Variants in PCNX1 observed in about 807,000 individuals in gnomAD.
The protein encoded by PCNX1 is pecanex 1.
A neutral mutation model predicts 242.2 loss-of-function variants in PCNX1; 78 were observed. The ratio of observed to expected loss-of-function variants is 0.32; its 90% CI spans 0.27 to 0.39. PCNX1 has a LOEUF of 0.39. Ranked by LOEUF, PCNX1 falls within the 10% of genes least tolerant of loss-of-function variation. The pLI is 1.00. For synonymous variants in PCNX1, 1,024 were observed against 1,032.9 expected (o/e 0.99, Z 0.17); for missense variants, 2,581 against 2,856.5 (o/e 0.90, Z 2.20).
chr14:71,079,237 G>C (rs1382352883), intron 28 of PCNX1, among the ~76,000 whole-genome samples: 1 of 151,994 alleles, frequency 6.6e-6, no homozygotes, highest in Non-Finnish European at 1.5e-5. Flanking sequence ...ATTTTATCTA[G>C]TCTATCACTG....
intron 1 of PCNX1, among the ~76,000 whole-genome samples, chr14:70,923,919 T>A (rs1201136956): frequency 6.6e-6 from 1 of 152,136 alleles, no homozygotes; most frequent in Non-Finnish European, 1.5e-5. Context: ...AAAGGGCTAA[T>A]ACTTCTGCAG....
intron 7 of PCNX1, 68 bp from the exon 8 acceptor site, chr14:70,995,673 A>C (rs2017280915): frequency 1.5e-6 from 2 of 1,372,120 alleles, no homozygotes; most frequent in African/African-American, 2.9e-5. Context: ...TTCTATGTTG[A>C]CTTCATTCTA....
chr14:71,031,863 C>T, intron 16 of PCNX1: 1 of 1,459,708 alleles, frequency 6.9e-7, no homozygotes, highest in Middle Eastern at 1.7e-4. Flanking sequence ...CACACTGTTT[C>T]AGCACTTTCA....
intron 8 of PCNX1, among the ~76,000 whole-genome samples, chr14:71,004,561 C>A (rs2059600404): frequency 1.3e-5 from 2 of 152,184 alleles, no homozygotes; most frequent in African/African-American, 4.8e-5. Flanking sequence ...GTCCTCCAAT[C>A]CCCTGGATCC....
intron 3 of PCNX1, among the ~76,000 whole-genome samples, chr14:70,963,982 T>C (rs1755519779): frequency 1.3e-5 from 2 of 152,228 alleles, no homozygotes; most frequent in Admixed American, 1.3e-4. Context: ...AACAAGCTTA[T>C]GGAATGGGAG....
Position 70,988,634 on chromosome 14 carries a change from A to C in PCNX1, c.2379A>C (p.Val793=), listed in dbSNP as rs1566664462. Residue 793 remains valine (V), a synonymous_variant, in exon 7 of 36, where the codon GTA becomes GTC. Coordinates refer to ENST00000304743, the MANE Select transcript of PCNX1 (RefSeq NM_014982.3). ...GCAGCACATTTAGGCGCCAGGCAGT[A>C]CGGCGCCGGCACAATGCAGGGAGTA... ...RERSTFRRQA[V]RRRHNAGSNP... The C allele has an allele frequency of 1.9e-6, 3 of 1,614,036 alleles. No individual in the cohort carries two copies. In the Admixed American group the frequency reaches 5.0e-5, roughly 27 times the overall value.
intron 2 of PCNX1, among the ~76,000 whole-genome samples, chr14:70,957,889 T>C (rs2058054169): frequency 6.6e-6 from 1 of 152,130 alleles, no homozygotes; most frequent in African/African-American, 2.4e-5. Context: ...GTCTCTCCTT[T>C]CTGTGTTGTT....
chr14:70,978,407 G>A lies in PCNX1; in HGVS notation c.2070G>A (p.Val690=). The A allele has an allele frequency of 6.2e-7, 1 of 1,614,226 alleles. No individual in the cohort carries two copies. The highest frequency in any genetic ancestry group is 8.5e-7 in the Non-Finnish European group (1 of 1,180,028). Residue 690 remains valine (V), a synonymous_variant, in exon 6 of 36, where the codon GTG becomes GTA. Coordinates refer to ENST00000304743, the MANE Select transcript of PCNX1 (RefSeq NM_014982.3). ...ATAGTGCCAAGACTCGTGCCCGAGT[G>A]TTGAGCCTGGACAGTGGCACAGTAG... ...STNSAKTRAR[V]LSLDSGTVAC... is the part of the protein sequence containing the mutation.
chr14:71,066,516 A>G (rs1374896289), intron 26 of PCNX1, among the ~76,000 whole-genome samples: 1 of 152,202 alleles, frequency 6.6e-6, no homozygotes, highest in Non-Finnish European at 1.5e-5. Flanking sequence ...GGGCTGAGAC[A>G]GTGGGGTTTT....
At chr14:71,085,394 AAATC>A (rs1233520787) in intron 28 of PCNX1, 1 of 152,228 alleles carries the variant, frequency 6.6e-6, no homozygotes, top group Admixed American at 6.5e-5. Context: ...TGATTTAAAA[AAATC>A]TATTAAAGAC....
chr14:71,033,825 A>T (rs1429217730), intron 17 of PCNX1, 106 bp from the exon 18 acceptor site: 5 of 679,842 alleles, frequency 7.4e-6, no homozygotes, highest in Middle Eastern at 3.8e-4. Context: ...GTAATGATTA[A>T]ATATACTCGA....
chr14:70,910,888 A>G (rs977761430), intron 1 of PCNX1, among the ~76,000 whole-genome samples: 2 of 152,156 alleles, frequency 1.3e-5, no homozygotes, highest in African/African-American at 2.4e-5. Flanking sequence ...GGGGGTAATG[A>G]GTTGTTACTG....
intron 2 of PCNX1, among the ~76,000 whole-genome samples, chr14:70,956,111 T>C (rs2057984185): frequency 6.6e-6 from 1 of 152,164 alleles, no homozygotes; most frequent in South Asian, 2.1e-4. Flanking sequence ...CATCCTACAA[T>C]GCAGTCAAAA....
At position 71,105,324 on chromosome 14, in the gene PCNX1, A is replaced by G. The variant is rs758005947; in HGVS notation, c.6185A>G (p.Asn2062Ser). ...TGGGTSCTGNNATTANNPHSN... is the reference protein window; with the variant it reads ...TGGGTSCTGNSATTANNPHSN... ...GGTGGGACTTCCTGCACTGGTAACAATGCAACAACTGCCAACAATCCCCAC... is the reference window on the plus strand; with the variant it reads ...GGTGGGACTTCCTGCACTGGTAACAGTGCAACAACTGCCAACAATCCCCAC... The change falls in exon 33 of 36, where the codon AAT becomes AGT. Residue 2062 changes from asparagine (N) to serine (S), a missense_variant. Physicochemically the swap from Asn to Ser is conservative, Grantham distance 46. Around this residue, in one of 9 missense-constraint regions of PCNX1, gnomAD observed 432 missense variants for 433.6 expected, o/e 1.00. Coordinates refer to ENST00000304743, the MANE Select transcript of PCNX1 (RefSeq NM_014982.3). 5.6e-6 allele frequency: 9 copies of G among 1,613,598 alleles called. No individual in the cohort carries two copies. Among genetic ancestry groups the G allele is most frequent in the East Asian group, 2.2e-5 (1 of 44,890 alleles).
chr14:71,060,261 G>A (rs1428137179), intron 26 of PCNX1, among the ~76,000 whole-genome samples: 1 of 152,038 alleles, frequency 6.6e-6, no homozygotes, highest in Non-Finnish European at 1.5e-5. Context: ...TACTGGTCAT[G>A]TAAAAATCTA....
rs1490982519 is a variant in PCNX1 at position 71,109,869 on chromosome 14, C to T, written c.6960C>T (p.Val2320=). 6.2e-7 allele frequency: 1 copy of T among 1,612,490 alleles called. No homozygotes were observed. Among genetic ancestry groups the T allele is most frequent in the Non-Finnish European group, 8.5e-7 (1 of 1,178,676 alleles). ...ACATCGACAAGGCAGTGCTTCTGGTCCAGATTGATGATAAATATGTGACTG... is the reference window on the plus strand; with the variant it reads ...ACATCGACAAGGCAGTGCTTCTGGTTCAGATTGATGATAAATATGTGACTG... ...RSHIDKAVLL[V]QIDDKYVTVI... The change falls in exon 36 of 36, where the codon GTC becomes GTT. Residue 2320 remains valine (V), a synonymous_variant. Coordinates refer to ENST00000304743, the MANE Select transcript of PCNX1 (RefSeq NM_014982.3).
intron 15 of PCNX1, among the ~76,000 whole-genome samples, chr14:71,027,738 T>A (rs1197238375): frequency 6.6e-6 from 1 of 151,980 alleles, no homozygotes; most frequent in Non-Finnish European, 1.5e-5. Context: ...TGTTGCTGTA[T>A]ATCATACTAG....
At chr14:70,974,623 C>T (rs989344072) in intron 5 of PCNX1, among the ~76,000 whole-genome samples, 2 of 152,100 alleles carry the variant, frequency 1.3e-5, no homozygotes, top group African/African-American at 2.4e-5. Flanking sequence ...AAACCTTGTA[C>T]GCATATTTGA....
chr14:70,918,216 T>C (rs1459891782), intron 1 of PCNX1, among the ~76,000 whole-genome samples: 4 of 152,230 alleles, frequency 2.6e-5, no homozygotes, highest in African/African-American at 4.8e-5. Context: ...TCAAGAACTT[T>C]TCCTTTGCAT....
Sources: gnomAD v4.1 joint callset for allele counts (sites outside exome capture counted in the v4.1 genomes callset) on GRCh38, gnomAD v4.1.1 for gene constraint, gnomAD v4.1.1 regional missense constraint, MANE v1.5 for transcripts, NCBI Gene and HGNC (gene_info 2026-07-23, HGNC 2026-07-21) for gene names.